PTPRQ: variants seen among roughly 807,000 people sequenced by gnomAD.
PTPRQ encodes the protein phosphatidylinositol phosphatase PTPRQ.
PTPRQ carries 199 observed loss-of-function variants against 246.0 expected under a neutral mutation model. The ratio of observed to expected loss-of-function variants is 0.81; its 90% CI spans 0.72 to 0.91. PTPRQ has a LOEUF of 0.91. Among genes scored for constraint, PTPRQ ranks in the 40% least tolerant of loss-of-function variants. PTPRQ has a pLI of 0.00. For missense variants in PTPRQ, 2,624 were observed against 2,528.4 expected, an observed-to-expected ratio of 1.04 and a Z score of -0.81; for synonymous variants, 869 against 853.2, an observed-to-expected ratio of 1.02 and a Z score of -0.32.
At chr12:80,597,387 C>T (rs181857673) in intron 26 of PTPRQ, among the ~76,000 whole-genome samples, 5 of 152,024 alleles carry the variant, frequency 3.3e-5, no homozygotes, top group Non-Finnish European at 5.9e-5. Context: ...TAATGGAACA[C>T]GCTGACCTGT....
At chr12:80,454,998 C>T (rs891250513) in intron 3 of PTPRQ, among the ~76,000 whole-genome samples, 2 of 152,122 alleles carry the variant, frequency 1.3e-5, no homozygotes, top group African/African-American at 4.8e-5. Flanking sequence ...ATGGCGAAAT[C>T]CCATCTCTAC....
chr12:80,483,740 C>T (rs141457282), intron 8 of PTPRQ, among the ~76,000 whole-genome samples: 1 of 151,754 alleles, frequency 6.6e-6, no homozygotes, highest in South Asian at 2.1e-4. Context: ...CCCTAGCCCC[C>T]CACCCACCGA....
intron 17 of PTPRQ, among the ~76,000 whole-genome samples, chr12:80,524,375 G>T (rs1175191442): frequency 1.3e-5 from 2 of 152,056 alleles, no homozygotes; most frequent in African/African-American, 4.8e-5. Flanking sequence ...ATTAAGACAT[G>T]CCTTTTGCCT....
At chr12:80,546,533 A>ATAACTT (rs1473480825) in intron 23 of PTPRQ, 23 bp from the exon 24 acceptor site, 1 of 1,534,088 alleles carries the variant, frequency 6.5e-7, no homozygotes, top group Non-Finnish European at 8.8e-7. Flanking sequence ...GCATTAACTA[A>ATAACTT]TAACTTTTTT....
chr12:80,480,246 A>G (rs569846991), intron 8 of PTPRQ, among the ~76,000 whole-genome samples: 1 of 152,296 alleles, frequency 6.6e-6, no homozygotes, highest in Non-Finnish European at 1.5e-5. Context: ...ACTTCATGGA[A>G]ACTGAACAAC....
intron 25 of PTPRQ, among the ~76,000 whole-genome samples, chr12:80,570,887 A>G (rs557182339): frequency 1.3e-5 from 2 of 152,210 alleles, no homozygotes; most frequent in East Asian, 3.9e-4. Flanking sequence ...CAAAGATCAG[A>G]TGGTTTTAGA....
intron 25 of PTPRQ, among the ~76,000 whole-genome samples, chr12:80,571,236 C>T (rs777676469): frequency 3.9e-5 from 6 of 152,132 alleles, no homozygotes; most frequent in Admixed American, 6.5e-5. Flanking sequence ...CCTCTGCCTC[C>T]CGGGTTCAAG....
chr12:80,626,014 A>C (rs1899189283), intron 33 of PTPRQ, among the ~76,000 whole-genome samples: 1 of 152,178 alleles, frequency 6.6e-6, no homozygotes, highest in South Asian at 2.1e-4. Flanking sequence ...AACATGATGA[A>C]ATCTTAAACC....
chr12:80,599,025 C>T (rs1898057535), intron 26 of PTPRQ, among the ~76,000 whole-genome samples: 1 of 151,842 alleles, frequency 6.6e-6, no homozygotes. Flanking sequence ...GATTCTTAAA[C>T]AAAGTGGCAT....
chr12:80,538,091 A>G (rs1896042920), intron 19 of PTPRQ, among the ~76,000 whole-genome samples: 1 of 152,182 alleles, frequency 6.6e-6, no homozygotes. Context: ...CCTGGGCAAC[A>G]GAGTGAGACT....
chr12:80,560,690 G>A (rs1012556315), intron 25 of PTPRQ, among the ~76,000 whole-genome samples: 7 of 152,136 alleles, frequency 4.6e-5, no homozygotes, highest in African/African-American at 1.2e-4. Flanking sequence ...CATCTTTTAC[G>A]GAAATGTGTT....
At chr12:80,452,594 A>C (rs936500433) in intron 3 of PTPRQ, among the ~76,000 whole-genome samples, 1 of 152,012 alleles carries the variant, frequency 6.6e-6, no homozygotes, top group Non-Finnish European at 1.5e-5. Context: ...TTGTTTGTCT[A>C]TAATGGTTTT....
At chr12:80,466,298 A>G (rs1398378335) in intron 6 of PTPRQ, among the ~76,000 whole-genome samples, 5 of 152,194 alleles carry the variant, frequency 3.3e-5, no homozygotes, top group East Asian at 1.9e-4. Context: ...CCAACTTACA[A>G]GGGATGTGAA....
At chr12:80,624,326 G>C (rs192172246) in intron 33 of PTPRQ, among the ~76,000 whole-genome samples, 1 of 152,294 alleles carries the variant, frequency 6.6e-6, no homozygotes, top group Non-Finnish European at 1.5e-5. Flanking sequence ...TCAGAGTTCA[G>C]TGTATTTTTT....
At chr12:80,453,494 GT>G (rs1433066655) in intron 3 of PTPRQ, among the ~76,000 whole-genome samples, 30 of 146,666 alleles carry the variant, frequency 2.0e-4, no homozygotes, top group African/African-American at 7.0e-4. Flanking sequence ...CATCTTTGTG[GT>G]TTTATCTACT....
At position 80,637,505 on chromosome 12, in the gene PTPRQ, C is replaced by CT. The variant is rs527786924; in HGVS notation, c.5915+2437dup. On this transcript the variant is annotated intron_variant, in intron 35 of 44. Coordinates refer to ENST00000644991, the MANE Select transcript of PTPRQ (RefSeq NM_001145026.2). ...GAAATATTAGTTTCCATGCTTTTCA[C>CT]TTTTTCACTTGTTTGTTGTGATTCT... Among the ~76,000 whole-genome samples the CT allele has an allele frequency of 1.2e-3, 180 of 152,232 alleles. 1 individual carries two copies. The highest frequency in any genetic ancestry group is 1.3e-3 in the Non-Finnish European group (87 of 68,014).
intron 27 of PTPRQ, among the ~76,000 whole-genome samples, chr12:80,607,674 A>G (rs1898378625): frequency 6.6e-6 from 1 of 150,918 alleles, no homozygotes; most frequent in Non-Finnish European, 1.5e-5. Flanking sequence ...ATAGCATTGC[A>G]CTTGGGACTT....
chr12:80,601,220 T>G (rs1055333511), intron 26 of PTPRQ, among the ~76,000 whole-genome samples: 15 of 151,802 alleles, frequency 9.9e-5, no homozygotes, highest in Admixed American at 2.6e-4. Flanking sequence ...TATATTCATT[T>G]ATTTATATTT....
chr12:80,573,362 G>T (rs1897200070), intron 25 of PTPRQ, among the ~76,000 whole-genome samples: 1 of 151,974 alleles, frequency 6.6e-6, no homozygotes, highest in African/African-American at 2.4e-5. Context: ...GGTGGCGGGC[G>T]CCTGTGGTCC....
Sources: gnomAD v4.1 joint callset for allele counts (sites outside exome capture counted in the v4.1 genomes callset) on GRCh38, gnomAD v4.1.1 for gene constraint, MANE v1.5 for transcripts, NCBI Gene and HGNC (gene_info 2026-07-23, HGNC 2026-07-21) for gene names.